CPSF3: variants seen among roughly 807,000 people sequenced by gnomAD.
CPSF3 encodes the protein cleavage and polyadenylation specific factor 3.
A neutral mutation model predicts 84.1 loss-of-function variants in CPSF3; 57 were observed. The ratio of observed to expected loss-of-function variants is 0.68; its 90% CI spans 0.55 to 0.85. CPSF3 has a LOEUF of 0.85. Among genes scored for constraint, CPSF3 ranks in the 40% least tolerant of loss-of-function variants. The pLI is 0.00. For synonymous variants in CPSF3, 275 were observed against 278.1 expected (o/e 0.99, Z 0.11); for missense variants, 522 against 838.8 (o/e 0.62, Z 4.66).
At chr2:9,460,679 C>CTTT (rs529125315) in intron 15 of CPSF3, among the ~76,000 whole-genome samples, 1 of 137,700 alleles carries the variant, frequency 7.3e-6, no homozygotes, top group African/African-American at 2.6e-5. Flanking sequence ...TTCTTTCTTT[C>CTTT]TTTTTTTTTT....
Position 9,473,002 on chromosome 2 carries a change from G to A in CPSF3, c.2040G>A (p.Leu680=). The part of the protein sequence containing the change: ...ELAAQRLYEA[L]TPVH ...CTGCACAGAGACTGTACGAGGCCCT[G>A]ACGCCAGTTCACTGAGACTGTGCCT... The change falls in exon 18 of 18, where the codon CTG becomes CTA. Residue 680 remains leucine (L), a synonymous_variant. Transcript: ENST00000238112. The A allele has an allele frequency of 6.2e-7, 1 of 1,613,252 alleles. No homozygotes were observed. Among genetic ancestry groups the A allele is most frequent in the East Asian group, 2.2e-5 (1 of 44,868 alleles).
Position 9,452,108 on chromosome 2 carries a change from C to A in CPSF3, c.1396-805C>A, listed in dbSNP as rs183134228. The stretch of plus-strand genomic sequence containing the variant: ...CTTTGGGAGGCCGAGGTGGGCAGAT[C>A]ATCTGAGGTCAGGAGTTCAAGACCA... On this transcript the variant is annotated intron_variant, in intron 11 of 17. Transcript: ENST00000238112. Among the ~76,000 whole-genome samples the A allele has an allele frequency of 1.7e-3, 260 of 152,178 alleles. 4 individuals are homozygous for A. Among genetic ancestry groups the A allele is most frequent in the Admixed American group, 0.014 (218 of 15,288 alleles).
chr2:9,443,109 G>A (rs1201592107), intron 9 of CPSF3, among the ~76,000 whole-genome samples: 3 of 152,198 alleles, frequency 2.0e-5, no homozygotes, highest in Non-Finnish European at 4.4e-5. Flanking sequence ...GCTGCAGTGA[G>A]CTGAGATCGC....
intron 15 of CPSF3, among the ~76,000 whole-genome samples, chr2:9,465,304 C>T (rs1681862290): frequency 6.6e-6 from 1 of 152,028 alleles, no homozygotes; most frequent in Admixed American, 6.6e-5. Flanking sequence ...CTTAGCCAGG[C>T]ACGGTAGCAC....
chr2:9,450,147 A>T lies in CPSF3; in HGVS notation c.1395+1797A>T, dbSNP rs1158479411. Among the ~76,000 whole-genome samples the T allele has an allele frequency of 3.3e-3, 406 of 122,674 alleles. 6 individuals carry two copies. Among genetic ancestry groups the T allele is most frequent in the African/African-American group, 4.5e-3 (153 of 33,648 alleles). 80.5% of individuals were successfully genotyped at this position (122,674 alleles called of 152,430 possible). A position where few individuals can be genotyped will look rare whatever the true frequency, so the allele number is the denominator to read the frequency against. ...CAAGTAGCTAGGACTACAGGCACAA[A>T]TTTTTTTTTTTTTTTTTTTTTTTAG... On this transcript the variant is annotated intron_variant, in intron 11 of 17. Coordinates refer to ENST00000238112, the MANE Select transcript of CPSF3 (RefSeq NM_016207.4).
chr2:9,466,345 CG>C, intron 15 of CPSF3, among the ~76,000 whole-genome samples: 1 of 44,362 alleles, frequency 2.3e-5, no homozygotes, highest in African/African-American at 6.0e-5. Flanking sequence ...CACACACGCG[CG>C]CGCGCGCACA....
In CPSF3 at chr2:9,423,686, C is replaced by CT. The variant is rs1481667410; in HGVS notation, c.-82dup. On this transcript the variant is annotated 5_prime_UTR_variant, in exon 1 of 18. The change abolishes the stop of an existing upstream ORF in the 5' untranslated region. Transcript: ENST00000238112. ...GTGCTCTTGGTGAATGGGGTTCTTC[C>CT]TTTTTTATTTACCGGTGGCTGTGCT... 3.9e-6 allele frequency: 6 copies of CT among 1,533,760 alleles called. No homozygotes were observed. Among genetic ancestry groups the CT allele is most frequent in the South Asian group, 1.2e-5 (1 of 84,618 alleles).
At chr2:9,444,466 A>G (rs1304780327) in intron 10 of CPSF3, among the ~76,000 whole-genome samples, 1 of 151,880 alleles carries the variant, frequency 6.6e-6, no homozygotes, top group African/African-American at 2.4e-5. Flanking sequence ...CTTATTAAAA[A>G]TAAGTTAGAT....
At chr2:9,436,011 G>A (rs1680765484) in intron 6 of CPSF3, among the ~76,000 whole-genome samples, 200 bp from the exon 7 acceptor site, 1 of 152,200 alleles carries the variant, frequency 6.6e-6, no homozygotes, top group African/African-American at 2.4e-5. Flanking sequence ...GGGATTACAG[G>A]TGTGAGCCAC....
intron 14 of CPSF3, 76 bp from the exon 15 acceptor site, chr2:9,459,455 G>A (rs754320680): frequency 7.0e-6 from 6 of 851,198 alleles, no homozygotes; most frequent in Admixed American, 5.2e-5. Context: ...TCCATGGTTT[G>A]GTGGGTTGTA....
chr2:9,465,553 ACACACACACACG>A (rs1681872916), intron 15 of CPSF3, among the ~76,000 whole-genome samples: 2 of 136,812 alleles, frequency 1.5e-5, no homozygotes, highest in African/African-American at 5.0e-5. Context: ...ACACACACAC[ACACACACACACG>A]CGCGCGCGTT....
intron 10 of CPSF3, among the ~76,000 whole-genome samples, chr2:9,445,689 G>GA (rs1681105226): frequency 6.6e-6 from 1 of 152,134 alleles, no homozygotes; most frequent in Admixed American, 6.5e-5. Flanking sequence ...AGGAAAAGCC[G>GA]AATTGCTCTT....
At chr2:9,468,187 C>T (rs369557335) in intron 16 of CPSF3, among the ~76,000 whole-genome samples, 20 of 152,116 alleles carry the variant, frequency 1.3e-4, no homozygotes, top group Admixed American at 7.2e-4. Flanking sequence ...AGTCTGTAAG[C>T]GATGAATTAA....
intron 1 of CPSF3, chr2:9,424,841 T>G (rs984722210): frequency 1.3e-5 from 2 of 152,218 alleles, no homozygotes; most frequent in Non-Finnish European, 2.9e-5. Flanking sequence ...AATAGGAGAC[T>G]ATTACTTTGA....
intron 16 of CPSF3, among the ~76,000 whole-genome samples, chr2:9,470,152 G>A (rs2124876649): frequency 6.6e-6 from 1 of 152,314 alleles, no homozygotes; most frequent in African/African-American, 2.4e-5. Flanking sequence ...AAACCAGGAG[G>A]CAGAGGTTGC....
At chr2:9,424,156 AGGGCAAGCTGT>A (rs1215147349) in intron 1 of CPSF3, 2 of 1,064,594 alleles carry the variant, frequency 1.9e-6, no homozygotes, top group East Asian at 1.4e-4. Context: ...TCTGCGCGTC[AGGGCAAGCTGT>A]GAGGGAGCCG....
At chr2:9,436,099 C>T in intron 6 of CPSF3, 112 bp from the exon 7 acceptor site, 4 of 850,892 alleles carry the variant, frequency 4.7e-6, no homozygotes, top group Middle Eastern at 3.5e-4. Context: ...GAGTAAATGA[C>T]ATGCTAATGG....
intron 16 of CPSF3, among the ~76,000 whole-genome samples, chr2:9,469,190 C>T (rs958554867): frequency 2.6e-5 from 4 of 152,156 alleles, no homozygotes; most frequent in South Asian, 2.1e-4. Context: ...AGTCTGCCAG[C>T]GTTGAAGTCT....
Position 9,428,765 on chromosome 2 carries a change from T to C in CPSF3, c.51T>C (p.Leu17=), listed in dbSNP as rs776652022. ...TTTTTCTCCCCTTGAATATTTACAG[T>C]GGAGCTGGGCAAGAAGTAGGAAGAT... The part of the protein sequence containing the change: ...EESDQLLIRP[L]GAGQEVGRSC... The change falls in exon 2 of 18, where the codon CTT becomes CTC. Residue 17 remains leucine, a splice_region_variant and synonymous_variant. Transcript: ENST00000238112. 6 of 1,601,296 alleles carry C rather than the reference T, an allele frequency of 3.7e-6. No individual in the cohort carries two copies. In the South Asian group the frequency reaches 6.6e-5, roughly 18 times the overall value.
Sources: allele counts gnomAD v4.1 joint callset (sites outside exome capture counted in the v4.1 genomes callset), GRCh38; gene constraint gnomAD v4.1.1; transcripts MANE v1.5; gene names NCBI Gene and HGNC (gene_info 2026-07-23, HGNC 2026-07-21).